EHD1: variants seen among roughly 807,000 people sequenced by gnomAD.
EHD1 encodes the protein EH domain-containing protein 1.
In EHD1, 19 loss-of-function variants were observed where a neutral mutation model predicts 39.0. The ratio of observed to expected loss-of-function variants is 0.49; its 90% confidence interval spans 0.34 to 0.72. The LOEUF (loss-of-function observed/expected upper bound fraction) is 0.72. Among genes scored for constraint, EHD1 ranks in the 30% least tolerant of loss-of-function variants. The probability of loss-of-function intolerance (pLI) is 0.01; values close to 1 mark genes in which losing one functional copy is unlikely to be tolerated. For missense variants in EHD1, 542 were observed against 751.5 expected (o/e 0.72, Z 3.26); for synonymous variants, 323 against 331.2 (o/e 0.98, Z 0.27).
chr11:64,860,720 A>G (rs1264830948), intron 2 of EHD1, among the ~76,000 whole-genome samples: 2 of 79,118 alleles, frequency 2.5e-5, no homozygotes, highest in African/African-American at 1.5e-4. Flanking sequence ...ACTGTCGCGA[A>G]AAAAAAAAAA....
chr11:64,877,979 C>A, intron 1 of EHD1, 82 bp downstream of exon 1: 1 of 1,374,722 alleles, frequency 7.3e-7, no homozygotes. Flanking sequence ...GACGGCGGGG[C>A]GACAGCCACG....
chr11:64,877,227 G>A (rs933175279), intron 1 of EHD1, among the ~76,000 whole-genome samples: 1 of 152,180 alleles, frequency 6.6e-6, no homozygotes. Flanking sequence ...CACTCCTTGA[G>A]GGGCGGGAGC....
chr11:64,860,083 G>T lies in EHD1; in HGVS notation c.756C>A (p.Val252=). ...GGTGGGACCAGAAGGAGCCGATGTA[G>T]ACCCTGACCACCTCGGGGGTGTTGA... ...KIINTPEVVR[V]YIGSFWSHPL... Residue 252 remains valine (V), a synonymous_variant, in exon 3 of 5, where the codon GTC becomes GTA. Transcript: ENST00000320631. The T allele has an allele frequency of 6.2e-7, 1 of 1,614,178 alleles. No individual in the cohort carries two copies. Among genetic ancestry groups the T allele is most frequent in the Non-Finnish European group, 8.5e-7 (1 of 1,180,038 alleles).
At chr11:64,856,846 G>A (rs1438637881) in intron 3 of EHD1, among the ~76,000 whole-genome samples, 3 of 152,330 alleles carry the variant, frequency 2.0e-5, no homozygotes, top group East Asian at 1.9e-4. Context: ...TTCCAGGCGC[G>A]GTGACTCAGT....
intron 3 of EHD1, among the ~76,000 whole-genome samples, chr11:64,859,188 T>C (rs1211465161): frequency 6.6e-6 from 1 of 152,176 alleles, no homozygotes; most frequent in Non-Finnish European, 1.5e-5. Context: ...ACAGGGGCTG[T>C]GTGTCACTCC....
chr11:64,871,819 ACAG>A (rs1797405401), intron 2 of EHD1, among the ~76,000 whole-genome samples: 1 of 152,216 alleles, frequency 6.6e-6, no homozygotes, highest in South Asian at 2.1e-4. Flanking sequence ...CAGCACACTG[ACAG>A]CAGCCTCATG....
chr11:64,879,558 G>A, upstream of EHD1: 1 of 1,548,382 alleles, frequency 6.5e-7, no homozygotes, highest in Non-Finnish European at 8.7e-7. Flanking sequence ...TTTCCTCTCG[G>A]GGTCACCACC....
intron 2 of EHD1, among the ~76,000 whole-genome samples, chr11:64,873,869 G>T (rs1315752740): frequency 6.6e-6 from 1 of 151,370 alleles, no homozygotes; most frequent in Non-Finnish European, 1.5e-5. Context: ...AGTAGAGATG[G>T]GGTTTCACTG....
intron 2 of EHD1, among the ~76,000 whole-genome samples, chr11:64,863,900 G>C (rs1238693819): frequency 6.6e-6 from 1 of 152,232 alleles, no homozygotes; most frequent in Admixed American, 6.5e-5. Flanking sequence ...GGGAGCACTG[G>C]GCCTCCAGCC....
intron 2 of EHD1, among the ~76,000 whole-genome samples, chr11:64,860,537 A>G (rs927670152): frequency 6.6e-6 from 1 of 152,162 alleles, no homozygotes; most frequent in African/African-American, 2.4e-5. Flanking sequence ...GTTTGAGGCC[A>G]GCCTGGCCAA....
intron 2 of EHD1, among the ~76,000 whole-genome samples, chr11:64,873,962 C>T (rs1943857611): frequency 6.6e-6 from 1 of 150,584 alleles, no homozygotes; most frequent in Admixed American, 6.6e-5. Flanking sequence ...CAAGTGTGAG[C>T]CACCGTGCCC....
chr11:64,873,173 G>C (rs1263297282), intron 2 of EHD1, among the ~76,000 whole-genome samples: 1 of 152,214 alleles, frequency 6.6e-6, no homozygotes, highest in Non-Finnish European at 1.5e-5. Flanking sequence ...AAAAGAGCTT[G>C]GCAGAATCTA....
At chr11:64,873,636 T>C (rs1943853072) in intron 2 of EHD1, among the ~76,000 whole-genome samples, 1 of 151,614 alleles carries the variant, frequency 6.6e-6, no homozygotes, top group South Asian at 2.1e-4. Flanking sequence ...CACAGAGCAC[T>C]GTGGAGATGG....
At chr11:64,856,880 C>G (rs1254585463) in intron 3 of EHD1, among the ~76,000 whole-genome samples, 1 of 152,210 alleles carries the variant, frequency 6.6e-6, no homozygotes, top group East Asian at 1.9e-4. Flanking sequence ...GGCAGTCACA[C>G]ATGGTCTCAC....
intron 3 of EHD1, among the ~76,000 whole-genome samples, chr11:64,858,181 A>ATTTAT (rs1943674745): frequency 1.7e-5 from 1 of 58,374 alleles, no homozygotes; most frequent in Non-Finnish European, 4.6e-5. Context: ...GCCAGAGCCT[A>ATTTAT]TTTCTTTTCT....
intron 1 of EHD1, among the ~76,000 whole-genome samples, chr11:64,875,230 C>T (rs536952595): frequency 3.9e-5 from 6 of 152,192 alleles, no homozygotes; most frequent in East Asian, 1.9e-4. Flanking sequence ...GGATCCTTCA[C>T]TGGACGCAGA....
rs562034530 is a variant in EHD1 at position 64,870,172 on chromosome 11, G to A, written c.502+4249C>T. On this transcript the variant is annotated intron_variant, in intron 2 of 4. Coordinates refer to ENST00000320631, the MANE Select transcript of EHD1 (RefSeq NM_006795.4). ...TAACCTTGGGTGGGAGAGAAACAGA[G>A]GGTGGCCTCTGTGTGTCTCAGGAGG... Among the ~76,000 whole-genome samples, 34 of 152,314 alleles carry A rather than the reference G, an allele frequency of 2.2e-4. 1 individual carries two copies. Among genetic ancestry groups the A allele is most frequent in the Admixed American group, 3.3e-4 (5 of 15,302 alleles).
upstream of EHD1, chr11:64,878,915 G>A: frequency 9.8e-7 from 1 of 1,024,218 alleles, no homozygotes; most frequent in Non-Finnish European, 1.2e-6. Context: ...CGGCGGAGAC[G>A]GCCTCTGGGC....
intron 3 of EHD1, among the ~76,000 whole-genome samples, chr11:64,859,161 T>C (rs1259658671): frequency 6.6e-6 from 1 of 152,124 alleles, no homozygotes; most frequent in Non-Finnish European, 1.5e-5. Flanking sequence ...GCTTTCCCCA[T>C]GAAGGCTGAG....
Sources: gnomAD v4.1 joint callset for allele counts (sites outside exome capture counted in the v4.1 genomes callset) on GRCh38, gnomAD v4.1.1 for gene constraint, MANE v1.5 for transcripts, NCBI Gene and HGNC (gene_info 2026-07-23, HGNC 2026-07-21) for gene names.